Variants in SBF2 observed in about 807,000 individuals in gnomAD.
SBF2 encodes the protein SET binding factor 2.
In SBF2, 112 loss-of-function variants were observed where a neutral mutation model predicts 225.2. The observed-to-expected ratio is 0.50, with a 90% CI of 0.43 to 0.58. The LOEUF is 0.58. Ranked by LOEUF, SBF2 falls within the 20% of genes least tolerant of loss-of-function variation. The probability of loss-of-function intolerance (pLI) is 0.00; values close to 1 mark genes in which losing one functional copy is unlikely to be tolerated. For missense variants in SBF2, 1,996 were observed against 2,206.2 expected (o/e 0.90, Z 1.91); for synonymous variants, 763 against 773.3 (o/e 0.99, Z 0.22).
chr11:9,931,471 G>A (rs780781012), intron 16 of SBF2, among the ~76,000 whole-genome samples: 2 of 152,200 alleles, frequency 1.3e-5, no homozygotes, highest in African/African-American at 2.4e-5. Flanking sequence ...CTCCACTGGT[G>A]ATACTCAGGC....
rs569156782 is a variant in SBF2, at chr11:9,880,652, A to C, written c.1929+15291T>G. ...TCTACACTGCTCTAGTTTGTTTCTG[A>C]AACAATCACGTCACTGCCCTACTCA... is the stretch of plus-strand genomic sequence containing the variant. On this transcript the variant is annotated intron_variant, in intron 17 of 39. Transcript: ENST00000256190. 1.8e-4 allele frequency among the ~76,000 whole-genome samples: 27 copies of C among 152,298 alleles called. No homozygotes were observed. In the South Asian group the frequency reaches 5.0e-3, roughly 28 times the overall value.
chr11:9,999,279 CTGTATGTA>C (rs3073236), intron 8 of SBF2, among the ~76,000 whole-genome samples: 7,407 of 146,778 alleles, frequency 0.05, 276 homozygotes, highest in African/African-American at 0.093. Flanking sequence ...CCTCCAGTGA[CTGTATGTA>C]TGTATGTATG....
In SBF2 at chr11:10,133,662, G is replaced by C. The variant is rs963412913; in HGVS notation, c.141+60240C>G. 2.0e-5 allele frequency among the ~76,000 whole-genome samples: 3 copies of C among 150,674 alleles called. No homozygotes were observed. In the South Asian group the frequency reaches 6.4e-4, roughly 32 times the overall value. On this transcript the variant is annotated intron_variant, in intron 2 of 39. Coordinates refer to ENST00000256190, the MANE Select transcript of SBF2 (RefSeq NM_030962.4). ...AGCTGGCCCGCAAGTGCCGCACACA[G>C]CCCCGGTTCCCGCTCATGCCTCTCC...
chr11:10,042,944 C>T lies in SBF2; in HGVS notation c.179G>A (p.Arg60Lys). The change falls in exon 3 of 40, where the codon AGG becomes AAG. Residue 60 changes from arginine (R) to lysine (K), a missense_variant. Physicochemically the swap from Arg to Lys is conservative, Grantham distance 26 (BLOSUM62 2). Coordinates refer to ENST00000256190, the MANE Select transcript of SBF2 (RefSeq NM_030962.4). ...QPGGWQLSRE[R>K]KQPTFFVVVL... ...AACCACAAAGAACGTTGGCTGCTTC[C>T]TCTCTCTGGACAGCTGCCACCCGCC... The T allele has an allele frequency of 6.2e-7, 1 of 1,613,890 alleles. No homozygotes were observed.
intron 6 of SBF2, among the ~76,000 whole-genome samples, chr11:10,007,454 GA>G (rs1948245160): frequency 6.6e-6 from 1 of 152,144 alleles, no homozygotes; most frequent in Non-Finnish European, 1.5e-5. Context: ...ATCTTGGACA[GA>G]AAACCAAAAT....
At chr11:10,264,630 A>C (rs1961773371) in intron 1 of SBF2, among the ~76,000 whole-genome samples, 1 of 152,084 alleles carries the variant, frequency 6.6e-6, no homozygotes. Context: ...ACATGTGCAG[A>C]ACGTGCAGTT....
chr11:10,234,047 T>C (rs1303512664), intron 1 of SBF2, among the ~76,000 whole-genome samples: 1 of 152,236 alleles, frequency 6.6e-6, no homozygotes, highest in Non-Finnish European at 1.5e-5. Context: ...AATGATTTAA[T>C]ACTGACACAT....
At chr11:10,084,760 A>C (rs1167237795) in intron 2 of SBF2, among the ~76,000 whole-genome samples, 1 of 152,230 alleles carries the variant, frequency 6.6e-6, no homozygotes, top group Non-Finnish European at 1.5e-5. Context: ...CATAAAAAAG[A>C]ATGTAATCAT....
chr11:9,890,777 G>A (rs751906569), intron 17 of SBF2, among the ~76,000 whole-genome samples: 4 of 152,162 alleles, frequency 2.6e-5, no homozygotes, highest in Non-Finnish European at 5.9e-5. Context: ...GGAATACCCT[G>A]GTTATTAAGA....
chr11:9,891,315 C>T (rs1283017301), intron 17 of SBF2, among the ~76,000 whole-genome samples: 1 of 152,112 alleles, frequency 6.6e-6, no homozygotes, highest in Non-Finnish European at 1.5e-5. Flanking sequence ...ACATGAACCC[C>T]TGCTTTACAT....
intron 12 of SBF2, among the ~76,000 whole-genome samples, chr11:9,990,251 T>A (rs772801270): frequency 6.6e-6 from 1 of 152,204 alleles, no homozygotes; most frequent in Admixed American, 6.5e-5. Flanking sequence ...TAGGAACTAA[T>A]AGACTCACTG....
chr11:10,073,888 G>A (rs1462067049), intron 2 of SBF2, among the ~76,000 whole-genome samples: 1 of 152,166 alleles, frequency 6.6e-6, no homozygotes, highest in Non-Finnish European at 1.5e-5. Flanking sequence ...GATGGTTGGT[G>A]ATATTATTAC....
rs201320122 is a variant in SBF2, at chr11:10,130,421, AT to A, written c.141+63480del. Reference sequence around the variant, plus strand: ...ACTCTTAACAATATACCCTTAAACAATTTTTTTAGTTTTTATTTTAAAATTA... The same window carrying A: ...ACTCTTAACAATATACCCTTAAACAATTTTTTAGTTTTTATTTTAAAATTA... On this transcript the variant is annotated intron_variant, in intron 2 of 39. Coordinates refer to ENST00000256190, the MANE Select transcript of SBF2 (RefSeq NM_030962.4). 1.5e-4 allele frequency among the ~76,000 whole-genome samples: 23 copies of A among 152,100 alleles called. No homozygotes were observed. The East Asian group carries it at 4.5e-3, about 29-fold the overall frequency.
intron 1 of SBF2, among the ~76,000 whole-genome samples, chr11:10,248,919 C>T (rs1429160152): frequency 6.6e-6 from 1 of 152,046 alleles, no homozygotes; most frequent in Non-Finnish European, 1.5e-5. Context: ...CACAGTGAAA[C>T]CCCGTCACTA....
At chr11:10,299,255 G>A (rs1292651703) in intron 1 of SBF2, among the ~76,000 whole-genome samples, 2 of 146,938 alleles carry the variant, frequency 1.4e-5, no homozygotes, top group African/African-American at 2.5e-5. Flanking sequence ...AAAGAATGGC[G>A]TGAACCCAGG....
intron 1 of SBF2, among the ~76,000 whole-genome samples, chr11:10,213,501 C>G (rs1370834100): frequency 6.6e-6 from 1 of 152,216 alleles, no homozygotes; most frequent in Non-Finnish European, 1.5e-5. Context: ...TCCAGCACCT[C>G]TCTGAATTTG....
chr11:10,017,735 T>G (rs1226663849), intron 6 of SBF2, among the ~76,000 whole-genome samples: 2 of 152,136 alleles, frequency 1.3e-5, no homozygotes, highest in Non-Finnish European at 2.9e-5. Context: ...TGACATGAAT[T>G]AAATATATTT....
intron 2 of SBF2, among the ~76,000 whole-genome samples, chr11:10,128,165 A>G (rs972879369): frequency 1.1e-4 from 16 of 152,194 alleles, no homozygotes; most frequent in African/African-American, 3.6e-4. Flanking sequence ...CACTGGTGAC[A>G]AACTTGAGAA....
chr11:10,066,998 C>A (rs1022323217), intron 2 of SBF2, among the ~76,000 whole-genome samples: 13 of 152,124 alleles, frequency 8.5e-5, no homozygotes, highest in Admixed American at 7.2e-4. Context: ...ATGAACTAGG[C>A]TAGGTATGGT....
Sources: allele counts gnomAD v4.1 joint callset (sites outside exome capture counted in the v4.1 genomes callset), GRCh38; gene constraint gnomAD v4.1.1; transcripts MANE v1.5; gene names NCBI Gene and HGNC (gene_info 2026-07-23, HGNC 2026-07-21).